The following AKT2 variants were observed in gnomAD, a reference collection of about 807,000 sequenced individuals.
AKT2 encodes the protein RAC-beta serine/threonine-protein kinase.
Under a neutral mutation model 58.6 loss-of-function variants are expected in AKT2, and 16 were observed. That is an observed-to-expected ratio of 0.27 (90% CI 0.18 to 0.41). The LOEUF is 0.41. Ranked by LOEUF, AKT2 falls within the 10% of genes least tolerant of loss-of-function variation. AKT2 has a pLI of 1.00. For synonymous variants in AKT2, 253 were observed against 254.0 expected (o/e 1.00, Z 0.04); for missense variants, 438 against 661.0 (o/e 0.66, Z 3.70).
At chr19:40,276,345 CTTTTTTTTTTTTTTTTTTTTTT>C (rs748551877) in intron 1 of AKT2, among the ~76,000 whole-genome samples, 5 of 58,456 alleles carry the variant, frequency 8.6e-5, no homozygotes, top group South Asian at 1.4e-3. Flanking sequence ...AAAATGGAAT[CTTTTTTTTTTTTTTTTTTTTTT>C]TTTTTTTTTT....
At position 40,272,114 on chromosome 19, in the gene AKT2, C is replaced by T. The variant is rs1453834096; in HGVS notation, c.-84-6763G>A. Among the ~76,000 whole-genome samples the T allele has an allele frequency of 8.5e-5, 13 of 152,224 alleles. 1 individual carries two copies. Among genetic ancestry groups the T allele is most frequent in the Admixed American group, 8.5e-4 (13 of 15,288 alleles). ...CCTCACAGCAACACTTTGAGGCAGA[C>T]ACTCCTACTGTTTCTATGACAATGA... On this transcript the variant is annotated intron_variant, in intron 1 of 13. Transcript: ENST00000392038.
chr19:40,273,057 T>C (rs747732856), intron 1 of AKT2, among the ~76,000 whole-genome samples: 4 of 152,186 alleles, frequency 2.6e-5, no homozygotes, highest in Non-Finnish European at 5.9e-5. Flanking sequence ...AATATTATCA[T>C]CACTGGCCAG....
chr19:40,248,004 G>A (rs144201718), intron 4 of AKT2, among the ~76,000 whole-genome samples: 369 of 152,302 alleles, frequency 2.4e-3, no homozygotes, highest in African/African-American at 8.0e-3. Context: ...GGCACAGTAC[G>A]GGGCAAGCAC....
At position 40,230,716 on chromosome 19, in the gene AKT2, G is replaced by GT. The variant is rs374077112; in HGVS notation, c.*3155dup. On this transcript the variant is annotated 3_prime_UTR_variant, in exon 14 of 14. Coordinates refer to ENST00000392038, the MANE Select transcript of AKT2 (RefSeq NM_001626.6). The stretch of plus-strand genomic sequence containing the variant: ...TGTCTTTTTTAATAGCATGTATCAT[G>GT]TTTTTTTTTTTTTTATTTTTAGAGA... 0.056 allele frequency: 10,219 copies of GT among 182,130 alleles called. 189 individuals carry two copies. The highest frequency in any genetic ancestry group is 0.14 in the Admixed American group (2,170 of 15,552). 11.3% of individuals were successfully genotyped at this position (182,130 alleles called of 1,614,324 possible).
Position 40,239,791 on chromosome 19 carries a change from G to C in AKT2, c.639+254C>G, listed in dbSNP as rs184173571. The C allele has an allele frequency of 2.7e-4, 180 of 672,190 alleles. 1 individual carries two copies. Among genetic ancestry groups the C allele is most frequent in the South Asian group, 2.6e-3 (174 of 66,372 alleles). 41.6% of individuals were successfully genotyped at this position (672,190 alleles called of 1,614,324 possible). The stretch of plus-strand genomic sequence containing the variant: ...ATAGAGACAGCAGCCAGCAAATAAT[G>C]TGATATCTTCAGTTAGTTCAAATGC... On this transcript the variant is annotated intron_variant, in intron 7 of 13. Coordinates refer to ENST00000392038, the MANE Select transcript of AKT2 (RefSeq NM_001626.6).
In AKT2 at chr19:40,233,860, TG is replaced by T; in HGVS notation, c.*11del. Reference sequence around the variant, plus strand: ...TGGCAGCGAGCGTGCGTCCTCTGCGTGGGCAGACTGCTCACTCGCGGATGCT... The same window carrying T: ...TGGCAGCGAGCGTGCGTCCTCTGCGTGGCAGACTGCTCACTCGCGGATGCT... On this transcript the variant is annotated 3_prime_UTR_variant, in exon 14 of 14. Transcript: ENST00000392038. This position sits in a 1 kb window ranked among gnomAD's most constrained non-coding sequence, Gnocchi z 4.3. 1 of 1,609,970 alleles carries T rather than the reference TG, an allele frequency of 6.2e-7. No individual in the cohort carries two copies.
intron 2 of AKT2, among the ~76,000 whole-genome samples, chr19:40,262,048 T>C (rs1976004640): frequency 1.3e-5 from 2 of 151,902 alleles, no homozygotes; most frequent in Non-Finnish European, 1.5e-5. Flanking sequence ...TACACTGGGA[T>C]TGGGGCGAGT....
In AKT2 at chr19:40,257,139, G is replaced by A. The variant is rs373284405; in HGVS notation, c.47-85C>T. 487 of 1,537,130 alleles carry A rather than the reference G, an allele frequency of 3.2e-4. 2 individuals are homozygous for A. In the South Asian group the frequency reaches 4.4e-3, roughly 14 times the overall value. On this transcript the variant is annotated intron_variant, in intron 2 of 13. Coordinates refer to ENST00000392038, the MANE Select transcript of AKT2 (RefSeq NM_001626.6). ...TAGGCGGCAGGAGGCCCAGTGTGACGGTGACTCACAAGGGGTACCACGGGG... is the reference window on the plus strand; with the variant it reads ...TAGGCGGCAGGAGGCCCAGTGTGACAGTGACTCACAAGGGGTACCACGGGG...
intron 2 of AKT2, among the ~76,000 whole-genome samples, chr19:40,261,628 T>G (rs1479612759): frequency 6.6e-6 from 1 of 151,886 alleles, no homozygotes; most frequent in African/African-American, 2.4e-5. Flanking sequence ...ATGCCAACCC[T>G]GAATCTCGGA....
chr19:40,230,682 C>T lies in AKT2; in HGVS notation c.*3190G>A, dbSNP rs1365890043. 1 of 220,726 alleles carries T rather than the reference C, an allele frequency of 4.5e-6. No individual in the cohort carries two copies. Among genetic ancestry groups the T allele is most frequent in the African/African-American group, 2.2e-5 (1 of 44,550 alleles). The allele number at this position is 220,726 out of a possible 1,614,324, so 13.7% of individuals were successfully genotyped here. On this transcript the variant is annotated 3_prime_UTR_variant, in exon 14 of 14. Coordinates refer to ENST00000392038, the MANE Select transcript of AKT2 (RefSeq NM_001626.6). Reference sequence around the variant, plus strand: ...CGGGTGAATTTCCTTTCTTATACTCCTGCTTTGCTGTCTTTTTTAATAGCA... The same window carrying T: ...CGGGTGAATTTCCTTTCTTATACTCTTGCTTTGCTGTCTTTTTTAATAGCA...
At chr19:40,239,957 G>T in intron 7 of AKT2, 88 bp downstream of exon 7, 1 of 1,507,784 alleles carries the variant, frequency 6.6e-7, no homozygotes, top group Non-Finnish European at 9.2e-7. Flanking sequence ...CCCCAAGACT[G>T]TGCTTTGTAC....
intron 4 of AKT2, among the ~76,000 whole-genome samples, chr19:40,247,078 C>A (rs751197009): frequency 6.6e-6 from 1 of 152,240 alleles, no homozygotes. Context: ...GGCTCGCCTG[C>A]TGCCTGACTA....
chr19:40,250,784 T>G (rs1480412621), intron 4 of AKT2, among the ~76,000 whole-genome samples: 1 of 151,760 alleles, frequency 6.6e-6, no homozygotes, highest in Non-Finnish European at 1.5e-5. Context: ...GTCGTGATTC[T>G]GCCACTGCAC....
chr19:40,235,406 C>T lies in AKT2; in HGVS notation c.1176-56G>A, dbSNP rs747715053. ...CCCGGAGCAGCTGGGTTCGGGCAGA[C>T]GGGCTTTCGGAGCAGGCAGGCCCTG... is the stretch of plus-strand genomic sequence containing the variant. On this transcript the variant is annotated intron_variant, in intron 11 of 13. Coordinates refer to ENST00000392038, the MANE Select transcript of AKT2 (RefSeq NM_001626.6). This position sits in a 1 kb window ranked among gnomAD's most constrained non-coding sequence, Gnocchi z 6.3. 1.3e-4 allele frequency: 199 copies of T among 1,549,186 alleles called. No homozygotes were observed. The highest frequency in any genetic ancestry group is 1.6e-4 in the Non-Finnish European group (178 of 1,124,556).
rs1244338040 is a variant in AKT2, at chr19:40,231,784, G to C, written c.*2088C>G. 3 of 233,694 alleles carry C rather than the reference G, an allele frequency of 1.3e-5. No individual in the cohort carries two copies. The highest frequency in any genetic ancestry group is 4.4e-5 in the African/African-American group (2 of 45,364). The allele number at this position is 233,694 out of a possible 1,614,324, so 14.5% of individuals were successfully genotyped here. On this transcript the variant is annotated 3_prime_UTR_variant, in exon 14 of 14. Coordinates refer to ENST00000392038, the MANE Select transcript of AKT2 (RefSeq NM_001626.6). ...ACTAGGGGAGGGCTGACCCCAAGCTGAACAGGGTTCTAACCAAACGCTCAG... is the reference window on the plus strand; with the variant it reads ...ACTAGGGGAGGGCTGACCCCAAGCTCAACAGGGTTCTAACCAAACGCTCAG...
Position 40,233,773 on chromosome 19 carries a change from G to A in AKT2, c.*99C>T, listed in dbSNP as rs1973841482. On this transcript the variant is annotated 3_prime_UTR_variant, in exon 14 of 14. Transcript: ENST00000392038. The surrounding 1 kb of genome is among the most constrained non-coding windows in gnomAD (Gnocchi z 4.3). ...CTGGAAAGGGGGTGAGGAGGTGGGG[G>A]TGGGGACACAAACCAAAAAGGCTAA... The A allele has an allele frequency of 8.8e-7, 1 of 1,140,026 alleles. No individual in the cohort carries two copies. The highest frequency in any genetic ancestry group is 1.3e-6 in the Non-Finnish European group (1 of 783,134). 70.6% of individuals were successfully genotyped at this position (1,140,026 alleles called of 1,614,324 possible). A position where few individuals can be genotyped will look rare whatever the true frequency, so the allele number is the denominator to read the frequency against.
intron 4 of AKT2, among the ~76,000 whole-genome samples, chr19:40,247,665 C>T (rs1287284786): frequency 6.6e-6 from 1 of 152,170 alleles, no homozygotes; most frequent in Admixed American, 6.5e-5. Context: ...GGGGCCCCCA[C>T]CCCTGCCACT....
chr19:40,256,832 G>C, intron 3 of AKT2, 94 bp downstream of exon 3: 1 of 1,576,104 alleles, frequency 6.3e-7, no homozygotes, highest in South Asian at 1.1e-5. Flanking sequence ...CCCAGGACAG[G>C]CCCATGGCTC....
At chr19:40,260,107 G>A (rs1290115764) in intron 2 of AKT2, among the ~76,000 whole-genome samples, 2 of 151,760 alleles carry the variant, frequency 1.3e-5, no homozygotes, top group Non-Finnish European at 2.9e-5. Flanking sequence ...AGCTGAGATC[G>A]TGCCACTGCA....
Sources: allele counts gnomAD v4.1 joint callset (sites outside exome capture counted in the v4.1 genomes callset), GRCh38; gene constraint gnomAD v4.1.1; non-coding constraint Gnocchi (gnomAD v3.1); transcripts MANE v1.5; gene names NCBI Gene and HGNC (gene_info 2026-07-23, HGNC 2026-07-21).